DHX9: variants seen among roughly 807,000 people sequenced by gnomAD.
DHX9 encodes the protein DExH-box helicase 9, also known as ATP-dependent RNA helicase A.
Under a neutral mutation model 148.7 loss-of-function variants are expected in DHX9, and 27 were observed. The ratio of observed to expected loss-of-function variants is 0.18; its 90% CI spans 0.13 to 0.25. The LOEUF is 0.25. DHX9 is among the 10% of genes least tolerant of loss of function. The pLI, the probability that DHX9 is intolerant of heterozygous loss-of-function variation, is 1.00. For missense variants in DHX9, 796 were observed against 1,559.6 expected (o/e 0.51, Z 8.25); for synonymous variants, 529 against 516.6 (o/e 1.02, Z -0.33).
Position 182,873,790 on chromosome 1 carries a change from A to G in DHX9, c.1715-1064A>G, listed in dbSNP as rs75897123. On this transcript the variant is annotated intron_variant, in intron 15 of 27. Coordinates refer to ENST00000367549, the MANE Select transcript of DHX9 (RefSeq NM_001357.5). ...ACATTCAGATTTTGTTTTTAATGCC[A>G]TTCTCCAACTAAAGGAGCCAGATAT... 3.6e-3 allele frequency among the ~76,000 whole-genome samples: 546 copies of G among 152,298 alleles called. 1 individual carries two copies. Among genetic ancestry groups the G allele is most frequent in the African/African-American group, 0.013 (531 of 41,544 alleles).
At chr1:182,881,955 CAT>C (rs1056286689) in intron 24 of DHX9, among the ~76,000 whole-genome samples, 1 of 152,136 alleles carries the variant, frequency 6.6e-6, no homozygotes, top group Non-Finnish European at 1.5e-5. Context: ...TGACATCTAA[CAT>C]AGAAAAAAAC....
intron 12 of DHX9, among the ~76,000 whole-genome samples, chr1:182,865,785 C>T (rs558943726): frequency 6.6e-6 from 1 of 152,262 alleles, no homozygotes; most frequent in South Asian, 2.1e-4. Context: ...CTCATAGTAT[C>T]CACCAAGTAA....
intron 3 of DHX9, among the ~76,000 whole-genome samples, chr1:182,843,900 C>G (rs896852424): frequency 6.6e-6 from 1 of 152,176 alleles, no homozygotes; most frequent in Non-Finnish European, 1.5e-5. Context: ...TGGGCTCAAG[C>G]AGTCCTTCAT....
At chr1:182,849,802 C>T (rs929505884) in intron 3 of DHX9, among the ~76,000 whole-genome samples, 14 of 150,536 alleles carry the variant, frequency 9.3e-5, no homozygotes, top group African/African-American at 3.4e-4. Context: ...TATATCTTCC[C>T]TTTTTTTTTA....
intron 18 of DHX9, 29 bp from the exon 19 acceptor site, chr1:182,876,801 T>C: frequency 2.6e-6 from 4 of 1,532,502 alleles, no homozygotes; most frequent in Non-Finnish European, 3.6e-6. Flanking sequence ...AAGAATATTT[T>C]CTGGAGTGTA....
intron 25 of DHX9, 29 bp downstream of exon 25, chr1:182,883,397 G>A: frequency 1.3e-6 from 2 of 1,599,834 alleles, no homozygotes; most frequent in Non-Finnish European, 1.7e-6. Flanking sequence ...AGTTTACATT[G>A]AAAGTTGAAA....
In DHX9 at chr1:182,866,506, T is replaced by C. The variant is rs1206267264; in HGVS notation, c.1395T>C (p.Pro465=). Residue 465 remains proline, a synonymous_variant, in exon 13 of 28, where the codon CCT becomes CCC. Coordinates refer to ENST00000367549, the MANE Select transcript of DHX9 (RefSeq NM_001357.5). ...ERVAFERGEE[P]GKSCGYSVRF... The stretch of plus-strand genomic sequence containing the variant: ...TTGCATTTGAAAGAGGAGAAGAGCC[T>C]GGAAAAAGCTGTGGCTACAGCGTTC... The C allele has an allele frequency of 2.5e-6, 4 of 1,614,086 alleles. No individual in the cohort carries two copies. Among genetic ancestry groups the C allele is most frequent in the East Asian group, 4.5e-5 (2 of 44,886 alleles).
chr1:182,881,197 TCCTA>T, intron 22 of DHX9, 63 bp from the exon 23 acceptor site: 1 of 1,527,042 alleles, frequency 6.5e-7, no homozygotes, highest in East Asian at 2.3e-5. Context: ...CAGTCGACAG[TCCTA>T]CCTGAGCTGC....
chr1:182,840,220 A>T (rs1667895455), intron 1 of DHX9, among the ~76,000 whole-genome samples: 1 of 149,892 alleles, frequency 6.7e-6, no homozygotes, highest in Non-Finnish European at 1.5e-5. Flanking sequence ...TGGATAGGGG[A>T]CGTATTTTGA....
chr1:182,845,960 T>A (rs1013664423), intron 3 of DHX9, among the ~76,000 whole-genome samples: 5 of 152,306 alleles, frequency 3.3e-5, no homozygotes, highest in African/African-American at 1.2e-4. Flanking sequence ...CCTTTGGTTT[T>A]TATGGAAACT....
intron 12 of DHX9, among the ~76,000 whole-genome samples, 155 bp from the exon 13 acceptor site, chr1:182,866,289 C>T (rs1361679984): frequency 6.6e-6 from 1 of 152,110 alleles, no homozygotes; most frequent in Non-Finnish European, 1.5e-5. Flanking sequence ...TAAGTGTCTG[C>T]CGTAGAACCA....
chr1:182,853,742 T>A (rs1285724922), intron 5 of DHX9, among the ~76,000 whole-genome samples: 1 of 152,164 alleles, frequency 6.6e-6, no homozygotes, highest in African/African-American at 2.4e-5. Flanking sequence ...TAGTATAGCT[T>A]ATTTTTCCAC....
At chr1:182,878,218 CT>C (rs1648911205) in intron 20 of DHX9, 45 bp downstream of exon 20, 1 of 1,607,142 alleles carries the variant, frequency 6.2e-7, no homozygotes, top group East Asian at 2.2e-5. Flanking sequence ...TTGTTCTGTT[CT>C]CTGTAGGGAC....
At chr1:182,855,578 TGGA>T in intron 6 of DHX9, 1 of 985,300 alleles carries the variant, frequency 1.0e-6, no homozygotes, top group Non-Finnish European at 1.2e-6. Context: ...TCCCCCTAGG[TGGA>T]GGAGAATGAG....
intron 12 of DHX9, among the ~76,000 whole-genome samples, chr1:182,860,767 G>GT (rs1668347142): frequency 6.6e-6 from 1 of 152,168 alleles, no homozygotes; most frequent in African/African-American, 2.4e-5. Flanking sequence ...AACTAACACT[G>GT]TATTACCTTA....
At chr1:182,878,441 C>G (rs1449845531) in intron 20 of DHX9, among the ~76,000 whole-genome samples, 1 of 152,096 alleles carries the variant, frequency 6.6e-6, no homozygotes, top group Non-Finnish European at 1.5e-5. Context: ...CCTGCATTTC[C>G]CTCATTCTAT....
chr1:182,872,602 A>T lies in DHX9; in HGVS notation c.1714+109A>T, dbSNP rs41272524. The T allele has an allele frequency of 4.2e-6, 5 of 1,194,894 alleles. No homozygotes were observed. In the South Asian group the frequency reaches 6.1e-5, roughly 15 times the overall value. 74.0% of individuals were successfully genotyped at this position (1,194,894 alleles called of 1,614,324 possible). A position where few individuals can be genotyped will look rare whatever the true frequency, so the allele number is the denominator to read the frequency against. On this transcript the variant is annotated intron_variant, in intron 15 of 27. Coordinates refer to ENST00000367549, the MANE Select transcript of DHX9 (RefSeq NM_001357.5). The stretch of plus-strand genomic sequence containing the variant: ...TAAAGAATACTTAAAATACAGGACA[A>T]ATTATAGTATCAAATGTATCATAGC...
chr1:182,853,539 G>T, intron 5 of DHX9, 121 bp downstream of exon 5: 1 of 672,350 alleles, frequency 1.5e-6, no homozygotes, highest in Non-Finnish European at 2.5e-6. Flanking sequence ...GAGGTTATTT[G>T]AGACTACTTA....
intron 15 of DHX9, 35 bp downstream of exon 15, chr1:182,872,528 G>T: frequency 6.3e-7 from 1 of 1,582,226 alleles, no homozygotes; most frequent in Non-Finnish European, 8.6e-7. Flanking sequence ...AACATCTTTT[G>T]TGCAATAGGG....
Sources: gnomAD v4.1 joint callset for allele counts (sites outside exome capture counted in the v4.1 genomes callset) on GRCh38, gnomAD v4.1.1 for gene constraint, MANE v1.5 for transcripts, NCBI Gene and HGNC (gene_info 2026-07-23, HGNC 2026-07-21) for gene names.